The following COL8A1 variants were observed in gnomAD, a reference collection of about 807,000 sequenced individuals.
COL8A1 encodes collagen type VIII alpha 1 chain.
In COL8A1, 21 loss-of-function variants were observed where a neutral mutation model predicts 42.7. That is an observed-to-expected ratio of 0.49 (90% CI 0.35 to 0.71). The LOEUF (loss-of-function observed/expected upper bound fraction) is 0.71, where lower values mean the gene tolerates loss of function less well. Among genes scored for constraint, COL8A1 ranks in the 30% least tolerant of loss-of-function variants. The pLI is 0.01. For missense variants in COL8A1, 788 were observed against 962.4 expected, an observed-to-expected ratio of 0.82 and a Z score of 2.40; for synonymous variants, 367 against 369.1, an observed-to-expected ratio of 0.99 and a Z score of 0.06.
rs375959668 is a variant in COL8A1, at chr3:99,790,674, C to T, written c.-3-6C>T. The T allele has an allele frequency of 1.9e-5, 31 of 1,612,556 alleles. No individual in the cohort carries two copies. In the African/African-American group the frequency reaches 3.6e-4, roughly 19 times the overall value. ...CACCAAGTTGGTGCATTGGTTCCTC[C>T]CACAGGTGATGGCTGTGCTGCCTGG... is the stretch of plus-strand genomic sequence containing the variant. On this transcript the variant is annotated splice_region_variant and splice_polypyrimidine_tract_variant and intron_variant, in intron 2 of 3. Coordinates refer to ENST00000652472, the MANE Select transcript of COL8A1 (RefSeq NM_020351.4).
chr3:99,697,135 C>T (rs944478908), intron 1 of COL8A1, among the ~76,000 whole-genome samples: 1 of 150,882 alleles, frequency 6.6e-6, no homozygotes, highest in Non-Finnish European at 1.5e-5. Flanking sequence ...TACAGGCGCC[C>T]GCCACTACGC....
intron 1 of COL8A1, among the ~76,000 whole-genome samples, chr3:99,715,744 A>G (rs183189687): frequency 6.6e-6 from 1 of 152,152 alleles, no homozygotes; most frequent in East Asian, 1.9e-4. Flanking sequence ...GAACAAGCAA[A>G]GACATGGCTT....
chr3:99,639,505 C>G (rs1937460798), intron 1 of COL8A1, among the ~76,000 whole-genome samples: 1 of 152,168 alleles, frequency 6.6e-6, no homozygotes, highest in Non-Finnish European at 1.5e-5. Flanking sequence ...AGTTTTAATC[C>G]TTCTTTCCAC....
intron 2 of COL8A1, among the ~76,000 whole-genome samples, chr3:99,760,412 AAAGAT>A (rs1331058383): frequency 6.6e-6 from 1 of 152,210 alleles, no homozygotes; most frequent in Non-Finnish European, 1.5e-5. Context: ...TAGGCAAAGA[AAAGAT>A]ATTTTCTTTG....
At chr3:99,771,790 C>T (rs1290382070) in intron 2 of COL8A1, among the ~76,000 whole-genome samples, 1 of 152,092 alleles carries the variant, frequency 6.6e-6, no homozygotes, top group African/African-American at 2.4e-5. Context: ...CTTAGCTCAC[C>T]CCCTCTGTAG....
At chr3:99,740,540 C>T (rs76193835) in intron 1 of COL8A1, among the ~76,000 whole-genome samples, 1 of 152,134 alleles carries the variant, frequency 6.6e-6, no homozygotes, top group Non-Finnish European at 1.5e-5. Flanking sequence ...GGAGAAGCCT[C>T]TTACAAAACC....
intron 1 of COL8A1, among the ~76,000 whole-genome samples, chr3:99,664,409 C>A (rs1247341607): frequency 6.6e-6 from 1 of 152,104 alleles, no homozygotes; most frequent in East Asian, 1.9e-4. Flanking sequence ...TCTATAACTT[C>A]GTGGTCACTT....
intron 1 of COL8A1, among the ~76,000 whole-genome samples, chr3:99,669,149 AGGG>A (rs1559773156): frequency 1.3e-4 from 15 of 112,714 alleles, no homozygotes; most frequent in East Asian, 3.2e-4. Flanking sequence ...ATATATATAG[AGGG>A]AGAGAGAGAG....
intron 1 of COL8A1, among the ~76,000 whole-genome samples, chr3:99,720,066 C>A (rs148261733): frequency 6.6e-6 from 1 of 152,214 alleles, no homozygotes; most frequent in East Asian, 1.9e-4. Flanking sequence ...TGGCAGTGGT[C>A]TCTAAGACCA....
chr3:99,693,802 A>G (rs1403966530), intron 1 of COL8A1, among the ~76,000 whole-genome samples: 6 of 152,224 alleles, frequency 3.9e-5, no homozygotes, highest in African/African-American at 1.4e-4. Context: ...AATGTGCAGT[A>G]GTGTCCTGGG....
chr3:99,772,030 G>C (rs1005293439), intron 2 of COL8A1, among the ~76,000 whole-genome samples: 6 of 152,158 alleles, frequency 3.9e-5, no homozygotes, highest in Non-Finnish European at 8.8e-5. Flanking sequence ...TTACTACCTA[G>C]CAAAGCCCAC....
At chr3:99,661,814 G>A (rs1027350656) in intron 1 of COL8A1, among the ~76,000 whole-genome samples, 13 of 152,062 alleles carry the variant, frequency 8.5e-5, no homozygotes, top group African/African-American at 2.4e-4. Context: ...ATTGTAACAC[G>A]TGCTACAACA....
chr3:99,669,477 A>T (rs1160807525), intron 1 of COL8A1, among the ~76,000 whole-genome samples: 1 of 152,084 alleles, frequency 6.6e-6, no homozygotes, highest in African/African-American at 2.4e-5. Context: ...CATAATATCC[A>T]TTAACTGAGA....
chr3:99,727,290 C>T (rs1458886669), intron 1 of COL8A1, among the ~76,000 whole-genome samples: 9 of 151,878 alleles, frequency 5.9e-5, no homozygotes, highest in East Asian at 1.9e-4. Context: ...CTGAAGTTGC[C>T]TATCAGCTTA....
intron 2 of COL8A1, among the ~76,000 whole-genome samples, chr3:99,750,653 G>A (rs1211836333): frequency 6.6e-6 from 1 of 152,156 alleles, no homozygotes; most frequent in African/African-American, 2.4e-5. Flanking sequence ...CCTTCCAGGT[G>A]TTATTGCCCT....
chr3:99,794,300 GC>G lies in COL8A1; in HGVS notation c.404del (p.Pro135LeufsTer119). 6.2e-7 allele frequency: 1 copy of G among 1,613,348 alleles called. No individual in the cohort carries two copies. The highest frequency in any genetic ancestry group is 8.5e-7 in the Non-Finnish European group (1 of 1,179,668). On this transcript the variant is annotated frameshift_variant, in exon 4 of 4. Coordinates refer to ENST00000652472, the MANE Select transcript of COL8A1 (RefSeq NM_020351.4). LOFTEE classifies it high-confidence loss of function. The surrounding 1 kb of genome is among the most constrained non-coding windows in gnomAD (Gnocchi z 4.3). ...GEPGPRGPPG[P>X]PGLPGHGIPG... is the part of the protein sequence containing the mutation. ...AGCCTGGCCCAAGAGGACCACCTGG[GC>G]CCCCTGGTTTGCCAGGTCATGGGAT...
chr3:99,790,622 C>A, intron 2 of COL8A1, 58 bp from the exon 3 acceptor site: 1 of 1,430,904 alleles, frequency 7.0e-7, no homozygotes, highest in Non-Finnish European at 9.7e-7. Context: ...TCTAAATAAA[C>A]TCAAGTCACT....
chr3:99,725,785 G>T (rs1308756833), intron 1 of COL8A1, among the ~76,000 whole-genome samples: 1 of 151,944 alleles, frequency 6.6e-6, no homozygotes, highest in Non-Finnish European at 1.5e-5. Context: ...TGGTGCATAT[G>T]TGCAACATTT....
intron 1 of COL8A1, among the ~76,000 whole-genome samples, chr3:99,717,206 T>C (rs1183981708): frequency 6.6e-6 from 1 of 152,084 alleles, no homozygotes; most frequent in Non-Finnish European, 1.5e-5. Context: ...ATATGACATA[T>C]ATTTTATGTA....
Sources: gnomAD v4.1 joint callset for allele counts (sites outside exome capture counted in the v4.1 genomes callset) on GRCh38, gnomAD v4.1.1 for gene constraint, Gnocchi (gnomAD v3.1) non-coding constraint, MANE v1.5 for transcripts, NCBI Gene and HGNC (gene_info 2026-07-23, HGNC 2026-07-21) for gene names.